COLEC10: variants seen among roughly 807,000 people sequenced by gnomAD.
COLEC10 encodes the protein collectin subfamily member 10.
COLEC10 carries 22 observed loss-of-function variants against 28.4 expected under a neutral mutation model. The observed-to-expected ratio is 0.78, with a 90% CI of 0.55 to 1.11. COLEC10 has a LOEUF of 1.11. Among genes scored for constraint, COLEC10 ranks in the 50% least tolerant of loss-of-function variants. The pLI, the probability that COLEC10 is intolerant of heterozygous loss-of-function variation, is 0.00. For synonymous variants in COLEC10, 125 were observed against 116.1 expected (o/e 1.08, Z -0.49); for missense variants, 361 against 344.1 (o/e 1.05, Z -0.39).
At chr8:118,994,905 T>C (rs760979621), upstream of COLEC10, among the ~76,000 whole-genome samples, 19 of 152,196 alleles carry the variant, frequency 1.2e-4, no homozygotes, top group Admixed American at 2.6e-4. Context: ...TCACTTTATC[T>C]CATAGCACTG....
intron 1 of COLEC10, among the ~76,000 whole-genome samples, chr8:118,996,432 C>T (rs1335958098): frequency 6.6e-6 from 1 of 152,114 alleles, no homozygotes; most frequent in African/African-American, 2.4e-5. Context: ...TTGAGGAACG[C>T]TCGTTCTGCT....
intron 2 of COLEC10, among the ~76,000 whole-genome samples, chr8:119,038,921 T>C (rs1814438714): frequency 6.6e-6 from 1 of 152,164 alleles, no homozygotes. Flanking sequence ...TTTGCCAATT[T>C]CCATGACCAC....
At position 119,006,023 on chromosome 8, in the gene COLEC10, A is replaced by G. The variant is rs554508448; in HGVS notation, n.123-3418A>G. 3.3e-5 allele frequency among the ~76,000 whole-genome samples: 5 copies of G among 152,228 alleles called. 1 individual carries two copies. Among genetic ancestry groups the G allele is most frequent in the African/African-American group, 1.2e-4 (5 of 41,548 alleles). On this transcript the variant is annotated intron_variant and non_coding_transcript_variant, in intron 1 of 6. Transcript: ENST00000521788. ...GGTGTGCAGCAGTGCTTTTAAAGCTATCATCAGTATCCTATGTGAACACTA... is the reference window on the plus strand; with the variant it reads ...GGTGTGCAGCAGTGCTTTTAAAGCTGTCATCAGTATCCTATGTGAACACTA...
the COLEC10 span, among the ~76,000 whole-genome samples, chr8:118,983,674 G>T: frequency 6.6e-6 from 1 of 151,982 alleles, no homozygotes; most frequent in Non-Finnish European, 1.5e-5. Context: ...GTGGGCAAAG[G>T]ATATGAACAG....
intron 5 of COLEC10, among the ~76,000 whole-genome samples, chr8:119,105,572 G>C (rs756272796): frequency 6.6e-6 from 1 of 152,110 alleles, no homozygotes; most frequent in Non-Finnish European, 1.5e-5. Flanking sequence ...CTGGCCAGGT[G>C]TGTGAGAAGT....
chr8:119,099,860 T>C (rs1019496955), intron 3 of COLEC10, among the ~76,000 whole-genome samples: 4 of 152,150 alleles, frequency 2.6e-5, no homozygotes, highest in Admixed American at 2.0e-4. Flanking sequence ...CATCTCTTTG[T>C]TCTCTTATGT....
intron 1 of COLEC10, among the ~76,000 whole-genome samples, chr8:119,000,753 G>T (rs752926457): frequency 2.6e-5 from 4 of 152,144 alleles, no homozygotes; most frequent in African/African-American, 9.7e-5. Context: ...TTATTAGGGA[G>T]AACAAGTTTC....
At chr8:118,990,261 T>C in the COLEC10 span, among the ~76,000 whole-genome samples, 1 of 152,190 alleles carries the variant, frequency 6.6e-6, no homozygotes, top group South Asian at 2.1e-4. Context: ...TACATATGTA[T>C]ATGCATATAA....
At chr8:118,980,018 G>C in the COLEC10 span, among the ~76,000 whole-genome samples, 1 of 151,954 alleles carries the variant, frequency 6.6e-6, no homozygotes, top group Non-Finnish European at 1.5e-5. Flanking sequence ...CTGAGAGAGA[G>C]ATAGAGCCCA....
At chr8:119,049,459 G>C (rs1814639932) in intron 2 of COLEC10, among the ~76,000 whole-genome samples, 1 of 124,508 alleles carries the variant, frequency 8.0e-6, no homozygotes, top group African/African-American at 3.1e-5. Context: ...CCATCGCCTA[G>C]GCTGGAGTGC....
At chr8:119,035,317 G>A (rs1485402813) in intron 2 of COLEC10, among the ~76,000 whole-genome samples, 3 of 152,174 alleles carry the variant, frequency 2.0e-5, no homozygotes, top group Non-Finnish European at 2.9e-5. Context: ...GTGAAAAGCC[G>A]ATGTAGGAAG....
At chr8:118,997,442 TCTTA>T (rs1315348354) in intron 1 of COLEC10, among the ~76,000 whole-genome samples, 2 of 152,226 alleles carry the variant, frequency 1.3e-5, no homozygotes, top group African/African-American at 4.8e-5. Flanking sequence ...AAGTTTCATA[TCTTA>T]CTTTTACATC....
chr8:119,005,588 G>A (rs537430889), intron 1 of COLEC10, among the ~76,000 whole-genome samples: 11 of 152,170 alleles, frequency 7.2e-5, no homozygotes, highest in Admixed American at 5.9e-4. Context: ...TGATCCATGT[G>A]ATTACTTCCC....
chr8:119,100,389 G>T (rs1815800293), intron 3 of COLEC10, among the ~76,000 whole-genome samples: 1 of 152,200 alleles, frequency 6.6e-6, no homozygotes, highest in Admixed American at 6.5e-5. Flanking sequence ...AGTACTTGGT[G>T]ATTGACTGGT....
intron 1 of COLEC10, among the ~76,000 whole-genome samples, chr8:119,079,985 C>T (rs143894029): frequency 5.3e-5 from 8 of 152,182 alleles, no homozygotes; most frequent in African/African-American, 1.9e-4. Flanking sequence ...TATTGTGTTT[C>T]CTTGCATTTG....
chr8:119,000,619 G>T (rs1813678024), intron 1 of COLEC10, among the ~76,000 whole-genome samples: 1 of 152,128 alleles, frequency 6.6e-6, no homozygotes. Flanking sequence ...AGATGTGAGA[G>T]GGTGATGAAT....
At chr8:119,099,198 A>T (rs1324833293) in intron 3 of COLEC10, among the ~76,000 whole-genome samples, 4 of 151,994 alleles carry the variant, frequency 2.6e-5, no homozygotes, top group Non-Finnish European at 5.9e-5. Context: ...ACATGTTCCC[A>T]CTCATTGGCC....
intron 2 of COLEC10, among the ~76,000 whole-genome samples, chr8:119,052,603 G>T (rs183231138): frequency 6.6e-6 from 1 of 152,130 alleles, no homozygotes; most frequent in African/African-American, 2.4e-5. Flanking sequence ...ACTCACAGAA[G>T]AATGAGATCC....
Position 119,106,387 on chromosome 8 carries a change from C to A in COLEC10, c.*196C>A, listed in dbSNP as rs987230528. ...TTTTCACACATGGTATATTATTGAC[C>A]CAATAACTCGCCAGGTTACATGGGT... On this transcript the variant is annotated 3_prime_UTR_variant, in exon 6 of 6. Transcript: ENST00000332843. 3.1e-5 allele frequency: 17 copies of A among 546,798 alleles called. No individual in the cohort carries two copies. The highest frequency in any genetic ancestry group is 5.7e-5 in the African/African-American group (3 of 53,060). 33.9% of individuals were successfully genotyped at this position (546,798 alleles called of 1,614,324 possible).
Sources: allele counts gnomAD v4.1 joint callset (sites outside exome capture counted in the v4.1 genomes callset), GRCh38; gene constraint gnomAD v4.1.1; transcripts MANE v1.5; gene names NCBI Gene and HGNC (gene_info 2026-07-23, HGNC 2026-07-21).